PKIB: variants seen among roughly 807,000 people sequenced by gnomAD.
PKIB encodes the protein cAMP-dependent protein kinase inhibitor beta, also known as PKI-beta.
In PKIB, 2 loss-of-function variants were observed where a neutral mutation model predicts 4.5. That is an observed-to-expected ratio of 0.44 (90% CI 0.18 to 1.39). The LOEUF (loss-of-function observed/expected upper bound fraction) is 1.39, where lower values mean the gene tolerates loss of function less well. PKIB is among the 40% of genes most tolerant of loss of function. The pLI is 0.27. For missense variants in PKIB, 94 were observed against 92.6 expected (o/e 1.02, Z -0.06); for synonymous variants, 38 against 36.0 (o/e 1.06, Z -0.20).
At chr6:122,655,533 A>G (rs1433552564) in intron 2 of PKIB, among the ~76,000 whole-genome samples, 1 of 152,164 alleles carries the variant, frequency 6.6e-6, no homozygotes, top group East Asian at 1.9e-4. Flanking sequence ...TCCATCTTGG[A>G]CTTCTCAGCC....
intron 2 of PKIB, among the ~76,000 whole-genome samples, chr6:122,577,532 T>C (rs1367494132): frequency 6.6e-6 from 1 of 152,048 alleles, no homozygotes; most frequent in African/African-American, 2.4e-5. Context: ...CCATTTCTTC[T>C]CAATATCCAT....
intron 2 of PKIB, among the ~76,000 whole-genome samples, chr6:122,555,794 C>A (rs1772818341): frequency 6.6e-6 from 1 of 152,094 alleles, no homozygotes; most frequent in South Asian, 2.1e-4. Context: ...TCATTTAGCT[C>A]TTGTTTATAA....
Position 122,725,153 on chromosome 6 carries a change from A to G in PKIB, c.195A>G (p.Thr65=), listed in dbSNP as rs760701901. The change falls in exon 5 of 5, where the codon ACA becomes ACG. Residue 65 remains threonine, a synonymous_variant. Coordinates refer to ENST00000368452, the MANE Select transcript of PKIB (RefSeq NM_181795.3). ...ATGCAAAAGAGAAAGATGAAAAAACAACACAAGACCAATTGGAAAAGCCTC... is the reference window on the plus strand; with the variant it reads ...ATGCAAAAGAGAAAGATGAAAAAACGACACAAGACCAATTGGAAAAGCCTC... ...KEDAKEKDEK[T]TQDQLEKPQN... 8 of 1,610,770 alleles carry G rather than the reference A, an allele frequency of 5.0e-6. No homozygotes were observed.
chr6:122,515,741 G>A (rs1322512621), intron 2 of PKIB, among the ~76,000 whole-genome samples: 8 of 152,120 alleles, frequency 5.3e-5, no homozygotes, highest in African/African-American at 1.9e-4. Context: ...TTTTGAGATG[G>A]AGTCTTACTC....
chr6:122,482,512 A>G (rs917942052), intron 2 of PKIB: 2 of 150,008 alleles, frequency 1.3e-5, no homozygotes, highest in Non-Finnish European at 3.0e-5. Context: ...GAATTTTAGC[A>G]TTAAAATGAG....
chr6:122,666,239 A>T (rs1192806558), intron 2 of PKIB, among the ~76,000 whole-genome samples: 1 of 152,176 alleles, frequency 6.6e-6, no homozygotes, highest in Non-Finnish European at 1.5e-5. Flanking sequence ...TCTCAGCCAG[A>T]TTCAAACAGG....
At chr6:122,563,982 G>A (rs745386261) in intron 2 of PKIB, among the ~76,000 whole-genome samples, 5 of 152,058 alleles carry the variant, frequency 3.3e-5, no homozygotes, top group African/African-American at 4.8e-5. Flanking sequence ...CTTCTCATCG[G>A]GTTCATATTA....
At chr6:122,487,687 C>T (rs1482182053) in intron 2 of PKIB, among the ~76,000 whole-genome samples, 1 of 152,222 alleles carries the variant, frequency 6.6e-6, no homozygotes, top group Admixed American at 6.5e-5. Context: ...GAAGCAGACT[C>T]TCACCAGACA....
intron 2 of PKIB, among the ~76,000 whole-genome samples, chr6:122,509,951 TGTTA>T (rs932771917): frequency 3.3e-5 from 5 of 150,896 alleles, no homozygotes; most frequent in South Asian, 2.1e-4. Context: ...TGGCCTTGGG[TGTTA>T]GTTTTTTTTT....
rs188439416 is a variant in PKIB, at chr6:122,524,718, T to G, written c.-248+46779T>G. The stretch of plus-strand genomic sequence containing the variant: ...AGTCAGTCTTAGTAGTTTTTATATG[T>G]CTAGGAATTTATCCATTTCTTTTAG... On this transcript the variant is annotated intron_variant, in intron 2 of 6. Coordinates refer to the PKIB transcript ENST00000392491. Among the ~76,000 whole-genome samples the G allele has an allele frequency of 2.0e-5, 3 of 152,220 alleles. No homozygotes were observed. In the East Asian group the frequency reaches 5.8e-4, roughly 29 times the overall value.
At chr6:122,554,274 A>G (rs1018036154) in intron 2 of PKIB, among the ~76,000 whole-genome samples, 3 of 152,248 alleles carry the variant, frequency 2.0e-5, no homozygotes, top group Non-Finnish European at 4.4e-5. Flanking sequence ...TTCCACCTAT[A>G]AAGCAAAGAT....
At chr6:122,578,155 G>T (rs1030078119) in intron 2 of PKIB, among the ~76,000 whole-genome samples, 2 of 151,958 alleles carry the variant, frequency 1.3e-5, no homozygotes, top group Non-Finnish European at 1.5e-5. Flanking sequence ...CCAGGAAGAT[G>T]GATTCTACTT....
intron 3 of PKIB, among the ~76,000 whole-genome samples, chr6:122,604,542 A>G (rs1774467712): frequency 6.6e-6 from 1 of 152,236 alleles, no homozygotes; most frequent in South Asian, 2.1e-4. Context: ...TTATTTGGAA[A>G]GCAGGATTTG....
rs535810711 is a variant in PKIB at position 122,529,967 on chromosome 6, C to T, written c.-248+52028C>T. Among the ~76,000 whole-genome samples the T allele has an allele frequency of 3.9e-5, 6 of 152,044 alleles. No individual in the cohort carries two copies. In the South Asian group the frequency reaches 8.3e-4, roughly 21 times the overall value. On this transcript the variant is annotated intron_variant, in intron 2 of 6. Transcript: ENST00000392491. ...TTTCAGCTTCTTGAATCCACATGTC[C>T]GTTTCTTTCTTCAGATCTGGGCTAT...
chr6:122,627,883 A>G (rs983001588), intron 1 of PKIB, among the ~76,000 whole-genome samples: 1 of 152,020 alleles, frequency 6.6e-6, no homozygotes, highest in African/African-American at 2.4e-5. Flanking sequence ...TTAATTTATA[A>G]AATATATAAA....
chr6:122,667,296 C>A (rs933948119), intron 2 of PKIB, among the ~76,000 whole-genome samples: 15 of 152,154 alleles, frequency 9.9e-5, no homozygotes, highest in African/African-American at 3.6e-4. Flanking sequence ...CCGTGGCTCA[C>A]GCCTGTAATC....
chr6:122,480,447 G>A (rs567299503), intron 2 of PKIB: 1 of 152,184 alleles, frequency 6.6e-6, no homozygotes, highest in Admixed American at 6.5e-5. Context: ...TTGAGTAATC[G>A]ATGCATACAT....
intron 2 of PKIB, among the ~76,000 whole-genome samples, chr6:122,544,184 G>A (rs1772411469): frequency 6.6e-6 from 1 of 151,560 alleles, no homozygotes; most frequent in African/African-American, 2.4e-5. Context: ...TAATCATAAG[G>A]TAAATTTTAA....
intron 1 of PKIB, among the ~76,000 whole-genome samples, chr6:122,611,264 C>A (rs1385300267): frequency 2.0e-5 from 3 of 152,198 alleles, no homozygotes; most frequent in African/African-American, 7.2e-5. Flanking sequence ...AATGACCCTG[C>A]CTTGCAGCAG....
Sources: gnomAD v4.1 joint callset for allele counts (sites outside exome capture counted in the v4.1 genomes callset) on GRCh38, gnomAD v4.1.1 for gene constraint, MANE v1.5 for transcripts, NCBI Gene and HGNC (gene_info 2026-07-23, HGNC 2026-07-21) for gene names.